Variants in HCN1 observed in about 807,000 individuals in gnomAD.
HCN1 encodes the protein potassium/sodium hyperpolarization-activated cyclic nucleotide-gated channel 1.
In HCN1, 13 loss-of-function variants were observed where a neutral mutation model predicts 78.9. That is an observed-to-expected ratio of 0.16 (90% confidence interval 0.11 to 0.26). The LOEUF (loss-of-function observed/expected upper bound fraction) is 0.26. HCN1 is among the 10% of genes least tolerant of loss of function. The pLI, the probability that HCN1 is intolerant of heterozygous loss-of-function variation, is 1.00. For missense variants in HCN1, 810 were observed against 1,154.3 expected, an observed-to-expected ratio of 0.70 and a Z score of 4.32; for synonymous variants, 552 against 455.5, an observed-to-expected ratio of 1.21 and a Z score of -2.70.
chr5:45,401,732 A>G (rs1397098391), intron 3 of HCN1, among the ~76,000 whole-genome samples: 4 of 150,984 alleles, frequency 2.6e-5, no homozygotes, highest in Non-Finnish European at 5.9e-5. Flanking sequence ...TTGTGCCAGT[A>G]TATAACTTTT....
At chr5:45,602,702 T>G (rs879825441) in intron 2 of HCN1, among the ~76,000 whole-genome samples, 3 of 152,136 alleles carry the variant, frequency 2.0e-5, no homozygotes, top group Non-Finnish European at 4.4e-5. Context: ...GATAGAACAC[T>G]TATTTATAAC....
chr5:45,540,507 T>C (rs1214040100), intron 2 of HCN1, among the ~76,000 whole-genome samples: 1 of 152,030 alleles, frequency 6.6e-6, no homozygotes, highest in Non-Finnish European at 1.5e-5. Context: ...TTTTACATTT[T>C]TCTGTAGAGA....
intron 2 of HCN1, among the ~76,000 whole-genome samples, chr5:45,588,351 C>T (rs760119503): frequency 1.3e-5 from 2 of 152,142 alleles, no homozygotes; most frequent in South Asian, 2.1e-4. Flanking sequence ...ATTGGCCACT[C>T]GAATACTGAG....
Position 45,296,865 on chromosome 5 carries a change from T to A in HCN1, c.1618+6734A>T, listed in dbSNP as rs115185858. Among the ~76,000 whole-genome samples, 400 of 152,164 alleles carry A rather than the reference T, an allele frequency of 2.6e-3. 1 individual carries two copies. Among genetic ancestry groups the A allele is most frequent in the African/African-American group, 9.1e-3 (379 of 41,548 alleles). On this transcript the variant is annotated intron_variant, in intron 6 of 7. Transcript: ENST00000303230. ...AATTTAGATGCAGTGGAGCAATTCC[T>A]GGAAAGTACAAACTAATAAAATTCA...
chr5:45,463,185 A>G (rs1313789718), intron 2 of HCN1, among the ~76,000 whole-genome samples: 1 of 152,046 alleles, frequency 6.6e-6, no homozygotes, highest in Non-Finnish European at 1.5e-5. Flanking sequence ...ATTTGGTTTT[A>G]GAAATGATAT....
intron 6 of HCN1, among the ~76,000 whole-genome samples, chr5:45,275,387 G>A (rs1404422250): frequency 6.6e-6 from 1 of 152,090 alleles, no homozygotes; most frequent in African/African-American, 2.4e-5. Context: ...TGAAGCTTTG[G>A]CTCCAATTGA....
chr5:45,404,124 A>G (rs1739875431), intron 3 of HCN1, among the ~76,000 whole-genome samples: 1 of 152,132 alleles, frequency 6.6e-6, no homozygotes, highest in Non-Finnish European at 1.5e-5. Context: ...ATCATCTGAG[A>G]AAGTTTTGTG....
At chr5:45,350,868 G>T (rs1277692644) in intron 5 of HCN1, among the ~76,000 whole-genome samples, 1 of 152,008 alleles carries the variant, frequency 6.6e-6, no homozygotes, top group Non-Finnish European at 1.5e-5. Context: ...GCTCAATGAA[G>T]TAAAAGAGGA....
intron 2 of HCN1, among the ~76,000 whole-genome samples, chr5:45,566,729 A>T (rs1304102924): frequency 6.6e-6 from 1 of 152,222 alleles, no homozygotes; most frequent in Non-Finnish European, 1.5e-5. Flanking sequence ...AAGTGAAATG[A>T]TCCTGCACAA....
At chr5:45,328,292 A>G (rs1746275565) in intron 5 of HCN1, among the ~76,000 whole-genome samples, 1 of 151,502 alleles carries the variant, frequency 6.6e-6, no homozygotes, top group African/African-American at 2.4e-5. Context: ...TGAATAGAAG[A>G]TTAGTTCTTA....
intron 2 of HCN1, among the ~76,000 whole-genome samples, chr5:45,627,060 T>C (rs2112005248): frequency 6.6e-6 from 1 of 152,202 alleles, no homozygotes; most frequent in Non-Finnish European, 1.5e-5. Flanking sequence ...CCTGCACTTC[T>C]GTTCCAAATA....
At chr5:45,666,211 G>C (rs774351389) in intron 1 of HCN1, among the ~76,000 whole-genome samples, 1 of 152,034 alleles carries the variant, frequency 6.6e-6, no homozygotes, top group Non-Finnish European at 1.5e-5. Context: ...ATGAGGGGGT[G>C]GCAAACCGGG....
At chr5:45,572,125 T>C (rs930954114) in intron 2 of HCN1, among the ~76,000 whole-genome samples, 1 of 152,134 alleles carries the variant, frequency 6.6e-6, no homozygotes, top group Non-Finnish European at 1.5e-5. Flanking sequence ...TCTATTGTTA[T>C]CCTCCTTTCA....
At chr5:45,596,368 T>C (rs1744494818) in intron 2 of HCN1, among the ~76,000 whole-genome samples, 1 of 152,180 alleles carries the variant, frequency 6.6e-6, no homozygotes, top group South Asian at 2.1e-4. Flanking sequence ...ATAGTTATTC[T>C]AAATTGCTCT....
chr5:45,303,342 C>T (rs1189417382), intron 6 of HCN1, among the ~76,000 whole-genome samples: 1 of 152,124 alleles, frequency 6.6e-6, no homozygotes, highest in Non-Finnish European at 1.5e-5. Context: ...TTATACTTTC[C>T]ATTTGACTTA....
intron 4 of HCN1, among the ~76,000 whole-genome samples, chr5:45,360,097 A>G (rs1211295409): frequency 6.6e-6 from 1 of 151,352 alleles, no homozygotes; most frequent in Admixed American, 6.6e-5. Flanking sequence ...AATAGTAATT[A>G]TTAGAAATAT....
chr5:45,616,517 T>C (rs1744957427), intron 2 of HCN1, among the ~76,000 whole-genome samples: 1 of 152,066 alleles, frequency 6.6e-6, no homozygotes, highest in Non-Finnish European at 1.5e-5. Flanking sequence ...TAAGATATTA[T>C]TATTTTTACT....
chr5:45,643,264 G>A (rs551249004), intron 2 of HCN1: 1 of 152,132 alleles, frequency 6.6e-6, no homozygotes, highest in South Asian at 2.1e-4. Flanking sequence ...GATGCCATCT[G>A]TTCATCCTGC....
chr5:45,305,960 C>G (rs926872863), intron 5 of HCN1, among the ~76,000 whole-genome samples: 1 of 151,940 alleles, frequency 6.6e-6, no homozygotes, highest in African/African-American at 2.4e-5. Context: ...ACTTAAAACT[C>G]TTAGCTTTCT....
Sources: allele counts gnomAD v4.1 joint callset (sites outside exome capture counted in the v4.1 genomes callset), GRCh38; gene constraint gnomAD v4.1.1; transcripts MANE v1.5; gene names NCBI Gene and HGNC (gene_info 2026-07-23, HGNC 2026-07-21).